Variants in GABBR1 observed in about 807,000 individuals in gnomAD.
GABBR1 encodes GABA-B receptor, R1 subunit.
GABBR1 carries 35 observed loss-of-function variants against 117.7 expected under a neutral mutation model. The ratio of observed to expected loss-of-function variants is 0.30; its 90% CI spans 0.23 to 0.39. The LOEUF is 0.39. GABBR1 is among the 10% of genes least tolerant of loss of function. GABBR1 has a pLI of 1.00. For synonymous variants in GABBR1, 442 were observed against 486.6 expected (o/e 0.91, Z 1.21); for missense variants, 709 against 1,241.8 (o/e 0.57, Z 6.45).
chr6:29,607,241 G>A lies in GABBR1; in HGVS notation c.1993-23C>T. 1 of 1,578,860 alleles carries A rather than the reference G, an allele frequency of 6.3e-7. No homozygotes were observed. Among genetic ancestry groups the A allele is most frequent in the East Asian group, 2.2e-5 (1 of 44,702 alleles). On this transcript the variant is annotated intron_variant, in intron 16 of 22. Coordinates refer to ENST00000377034, the MANE Select transcript of GABBR1 (RefSeq NM_001470.4). The surrounding 1 kb of genome is among the most constrained non-coding windows in gnomAD (Gnocchi z 5.0). ...GGCCTAGAAAGGAAGAGAGGGCACA[G>A]GCAGAACAGGGTAGAGTAGTAGCCG... is the stretch of plus-strand genomic sequence containing the variant.
rs1159951647 is a variant in GABBR1, at chr6:29,630,079, G to A, written c.475+379C>T. ...AAATCAATTATATAAGGAATGGTGAGGGATGAATTCTAGAAGAGGGTGATG... is the reference window on the plus strand; with the variant it reads ...AAATCAATTATATAAGGAATGGTGAAGGATGAATTCTAGAAGAGGGTGATG... On this transcript the variant is annotated intron_variant, in intron 4 of 22. Coordinates refer to ENST00000377034, the MANE Select transcript of GABBR1 (RefSeq NM_001470.4). This position sits in a 1 kb window ranked among gnomAD's most constrained non-coding sequence, Gnocchi z 4.9. 3 of 207,610 alleles carry A rather than the reference G, an allele frequency of 1.4e-5. No homozygotes were observed. The highest frequency in any genetic ancestry group is 2.9e-5 in the Non-Finnish European group (3 of 104,988). 12.9% of individuals were successfully genotyped at this position (207,610 alleles called of 1,614,324 possible).
intron 15 of GABBR1, 117 bp from the exon 16 acceptor site, chr6:29,608,850 A>C: frequency 8.8e-7 from 1 of 1,133,754 alleles, no homozygotes; most frequent in Non-Finnish European, 1.3e-6. Flanking sequence ...CAGGGGCTAA[A>C]GGAAGACAGG....
Position 29,623,750 on chromosome 6 carries a change from C to T in GABBR1, c.792+140G>A, listed in dbSNP as rs1763993297. 1 of 1,030,554 alleles carries T rather than the reference C, an allele frequency of 9.7e-7. No individual in the cohort carries two copies. Among genetic ancestry groups the T allele is most frequent in the African/African-American group, 1.6e-5 (1 of 62,422 alleles). 63.8% of individuals were successfully genotyped at this position (1,030,554 alleles called of 1,614,324 possible). A position where few individuals can be genotyped will look rare whatever the true frequency, so the allele number is the denominator to read the frequency against. On this transcript the variant is annotated intron_variant, in intron 7 of 22. Transcript: ENST00000377034. The surrounding 1 kb of genome is among the most constrained non-coding windows in gnomAD (Gnocchi z 6.2). The stretch of plus-strand genomic sequence containing the variant: ...CCACTGTTGCTAGGAGGCTGCCTAG[C>T]TCAGGTCTGCAGAGGACTCTGAATC...
chr6:29,622,321 T>C lies in GABBR1; in HGVS notation c.964-116A>G. On this transcript the variant is annotated intron_variant, in intron 8 of 22. Coordinates refer to ENST00000377034, the MANE Select transcript of GABBR1 (RefSeq NM_001470.4). The surrounding 1 kb of genome is among the most constrained non-coding windows in gnomAD (Gnocchi z 4.6). Reference sequence around the variant, plus strand: ...CTCAGATAGAGCAAAGAAGCAGCCATTCTGAACCTTCCTTCAACAGCTTCT... The same window carrying C: ...CTCAGATAGAGCAAAGAAGCAGCCACTCTGAACCTTCCTTCAACAGCTTCT... 1 of 702,290 alleles carries C rather than the reference T, an allele frequency of 1.4e-6. No homozygotes were observed. The highest frequency in any genetic ancestry group is 2.5e-6 in the Non-Finnish European group (1 of 397,260). 43.5% of individuals were successfully genotyped at this position (702,290 alleles called of 1,614,324 possible).
In GABBR1 at chr6:29,631,913, TAA is replaced by T. The variant is rs3215531; in HGVS notation, c.86-316_86-315del. Among the ~76,000 whole-genome samples the T allele has an allele frequency of 6.7e-6, 1 of 150,202 alleles. No homozygotes were observed. The highest frequency in any genetic ancestry group is 2.5e-5 in the African/African-American group (1 of 40,788). On this transcript the variant is annotated intron_variant, in intron 2 of 22. Coordinates refer to ENST00000377034, the MANE Select transcript of GABBR1 (RefSeq NM_001470.4). The surrounding 1 kb of genome is among the most constrained non-coding windows in gnomAD (Gnocchi z 5.9). Reference sequence around the variant, plus strand: ...ATGATATGTGGGTGGAGCTTTTCTTTAAAAAAAAAGGCTAAATGAGGATATTC... The same window carrying T: ...ATGATATGTGGGTGGAGCTTTTCTTTAAAAAAAGGCTAAATGAGGATATTC...
At position 29,630,325 on chromosome 6, in the gene GABBR1, T is replaced by G; in HGVS notation, c.475+133A>C. ...GCAGGTGATGGAGGAAAAAGGGACT[T>G]TCATCTCCCCTTTCCAGTGTCCTCC... On this transcript the variant is annotated intron_variant, in intron 4 of 22. Transcript: ENST00000377034. This position sits in a 1 kb window ranked among gnomAD's most constrained non-coding sequence, Gnocchi z 4.9. The G allele has an allele frequency of 1.3e-6, 1 of 766,238 alleles. No homozygotes were observed. The highest frequency in any genetic ancestry group is 1.9e-5 in the South Asian group (1 of 51,928). 47.5% of individuals were successfully genotyped at this position (766,238 alleles called of 1,614,324 possible).
Position 29,603,705 on chromosome 6 carries a change from A to G in GABBR1, c.2724T>C (p.Arg908=), listed in dbSNP as rs759276802. The change falls in exon 23 of 23, where the codon CGT becomes CGC. Residue 908 remains arginine (R), a synonymous_variant. Transcript: ENST00000377034. Reference sequence around the variant, plus strand: ...GGAGTTGATGGCGCAGTTCAGAGACACGCTCCTCTTTCTGGAGGAAGAAGC... The same window carrying G: ...GGAGTTGATGGCGCAGTTCAGAGACGCGCTCCTCTTTCTGGAGGAAGAAGC... ...LEKIIAEKEE[R]VSELRHQLQS... 6.7e-7 allele frequency: 1 copy of G among 1,486,362 alleles called. No individual in the cohort carries two copies. Among genetic ancestry groups the G allele is most frequent in the Non-Finnish European group, 8.9e-7 (1 of 1,120,754 alleles). The allele number at this position is 1,486,362 out of a possible 1,614,324, so 92.1% of individuals were successfully genotyped here. A position where few individuals can be genotyped will look rare whatever the true frequency, so the allele number is the denominator to read the frequency against.
At chr6:29,628,005 GGACT>G in intron 5 of GABBR1, 3 of 1,311,592 alleles carry the variant, frequency 2.3e-6, no homozygotes, top group Non-Finnish European at 2.9e-6. Context: ...CTCTCCTCGC[GGACT>G]GACTGACCGA....
At chr6:29,628,197 G>C in intron 5 of GABBR1, 4 of 888,264 alleles carry the variant, frequency 4.5e-6, no homozygotes, top group South Asian at 5.3e-5. Context: ...GGGGAGGGGA[G>C]GGGGGATGCA....
At chr6:29,628,199 G>A in intron 5 of GABBR1, 4 of 886,458 alleles carry the variant, frequency 4.5e-6, no homozygotes, top group Non-Finnish European at 5.4e-6. Flanking sequence ...GGAGGGGAGG[G>A]GGGATGCAAC....
rs951159135 is a variant in GABBR1, at chr6:29,632,574, C to G, written c.1-189G>C. ...GGTGGGGGGAGAGGAGGAGAGAAAG[C>G]CTGTCCCCACCCTCCTCCTGCCTCC... On this transcript the variant is annotated intron_variant, in intron 1 of 22. Transcript: ENST00000377034. This position sits in a 1 kb window ranked among gnomAD's most constrained non-coding sequence, Gnocchi z 5.8. 4 of 970,542 alleles carry G rather than the reference C, an allele frequency of 4.1e-6. No homozygotes were observed. The highest frequency in any genetic ancestry group is 5.8e-6 in the Non-Finnish European group (4 of 693,774). The allele number at this position is 970,542 out of a possible 1,614,324, so 60.1% of individuals were successfully genotyped here.
At chr6:29,617,037 A>G (rs1763204888) in intron 11 of GABBR1, among the ~76,000 whole-genome samples, 1 of 151,268 alleles carries the variant, frequency 6.6e-6, no homozygotes, top group South Asian at 2.1e-4. Context: ...GGATGAATTC[A>G]TATTCTAATC....
In GABBR1 at chr6:29,631,430, G is replaced by T. The variant is rs760099552; in HGVS notation, c.255C>A (p.Gly85=). 131 of 1,614,034 alleles carry T rather than the reference G, an allele frequency of 8.1e-5. No individual in the cohort carries two copies. The highest frequency in any genetic ancestry group is 1.1e-4 in the Non-Finnish European group (131 of 1,180,054). ...TGGGTGTGTCCATATCTGTCCAGGA[G>T]CCGTTGGCCAGGCACTTGCGGACCT... The part of the protein sequence containing the change: ...GPKVRKCLAN[G]SWTDMDTPSR... Residue 85 remains glycine, a synonymous_variant, in exon 3 of 23, where the codon GGC becomes GGA. Coordinates refer to ENST00000377034, the MANE Select transcript of GABBR1 (RefSeq NM_001470.4). The surrounding 1 kb of genome is among the most constrained non-coding windows in gnomAD (Gnocchi z 5.9).
In GABBR1 at chr6:29,603,267, T is replaced by A; in HGVS notation, c.*276A>T. The A allele has an allele frequency of 1.6e-6, 1 of 637,344 alleles. No homozygotes were observed. The highest frequency in any genetic ancestry group is 2.9e-6 in the Non-Finnish European group (1 of 342,540). 39.5% of individuals were successfully genotyped at this position (637,344 alleles called of 1,614,324 possible). ...CAGTGAGGCTGCTGAGGAGGCAGCG[T>A]GTGAGCAGTGAGCAGCTTCAAGCCA... On this transcript the variant is annotated 3_prime_UTR_variant, in exon 23 of 23. Coordinates refer to ENST00000377034, the MANE Select transcript of GABBR1 (RefSeq NM_001470.4).
At position 29,632,834 on chromosome 6, in the gene GABBR1, G is replaced by A. The variant is rs1765153776; in HGVS notation, c.-1+16C>T. ...CCCCTCTCCGAGCCCTGCTAACCCG[G>A]GGCCCTGGCTCTTACCTCGGCGCGC... On this transcript the variant is annotated intron_variant, in intron 1 of 22. Transcript: ENST00000377034. This position sits in a 1 kb window ranked among gnomAD's most constrained non-coding sequence, Gnocchi z 5.8. 1 of 498,042 alleles carries A rather than the reference G, an allele frequency of 2.0e-6. No homozygotes were observed. The highest frequency in any genetic ancestry group is 2.9e-6 in the Non-Finnish European group (1 of 349,510). 30.9% of individuals were successfully genotyped at this position (498,042 alleles called of 1,614,324 possible).
chr6:29,625,412 G>A (rs1562117778), intron 6 of GABBR1, among the ~76,000 whole-genome samples: 1 of 152,064 alleles, frequency 6.6e-6, no homozygotes, highest in East Asian at 1.9e-4. Flanking sequence ...CATATCAACA[G>A]GGCAAGGCAT....
In GABBR1 at chr6:29,630,412, A is replaced by C; in HGVS notation, c.475+46T>G. ...CCATTCCCACCCCACTCCCATCCTC[A>C]CACAAGCGTCCTCATCAGCTGCATG... is the stretch of plus-strand genomic sequence containing the variant. On this transcript the variant is annotated intron_variant, in intron 4 of 22. Transcript: ENST00000377034. The surrounding 1 kb of genome is among the most constrained non-coding windows in gnomAD (Gnocchi z 4.9). The C allele has an allele frequency of 6.5e-7, 1 of 1,542,566 alleles. No individual in the cohort carries two copies. Among genetic ancestry groups the C allele is most frequent in the Non-Finnish European group, 8.9e-7 (1 of 1,120,188 alleles).
Position 29,607,061 on chromosome 6 carries a change from G to A in GABBR1, c.2109+41C>T, listed in dbSNP as rs201419732. The A allele has an allele frequency of 3.7e-6, 6 of 1,606,228 alleles. No individual in the cohort carries two copies. The East Asian group carries it at 8.9e-5, about 24-fold the overall frequency. On this transcript the variant is annotated intron_variant, in intron 17 of 22. Coordinates refer to ENST00000377034, the MANE Select transcript of GABBR1 (RefSeq NM_001470.4). This position sits in a 1 kb window ranked among gnomAD's most constrained non-coding sequence, Gnocchi z 5.0. ...CAGGGGAAAATGCTCTGTGCCCCAG[G>A]AGCCAAGGATCTGGGGGCTGAGGAT... is the stretch of plus-strand genomic sequence containing the variant.
chr6:29,627,536 T>C lies in GABBR1; in HGVS notation c.607A>G (p.Arg203Gly), dbSNP rs1217786342. Residue 203 changes from arginine to glycine, a missense_variant, in exon 6 of 23, where the codon AGG becomes GGG. This residue lies in a region of GABBR1 where 192 missense variants were observed against 418.4 expected (regional missense o/e 0.46). Transcript: ENST00000377034. This position sits in a 1 kb window ranked among gnomAD's most constrained non-coding sequence, Gnocchi z 4.4. Reference sequence around the variant, plus strand: ...AGCTCATAGTCCGGCAGGATGTCCCTGCGGCTATTCACGTCCTCCAGCGCC... The same window carrying C: ...AGCTCATAGTCCGGCAGGATGTCCCCGCGGCTATTCACGTCCTCCAGCGCC... The part of the protein sequence containing the change: ...EMALEDVNSR[R>G]DILPDYELKL... 1.4e-6 allele frequency: 2 copies of C among 1,475,364 alleles called. No individual in the cohort carries two copies. The highest frequency in any genetic ancestry group is 1.8e-6 in the Non-Finnish European group (2 of 1,093,820). The allele number at this position is 1,475,364 out of a possible 1,614,324, so 91.4% of individuals were successfully genotyped here.
Sources: allele counts gnomAD v4.1 joint callset (sites outside exome capture counted in the v4.1 genomes callset), GRCh38; gene constraint gnomAD v4.1.1; regional missense constraint gnomAD v4.1.1; non-coding constraint Gnocchi (gnomAD v3.1); transcripts MANE v1.5; gene names NCBI Gene and HGNC (gene_info 2026-07-23, HGNC 2026-07-21).